The following SLC35F4 variants were observed in gnomAD, a reference collection of about 807,000 sequenced individuals.
SLC35F4 encodes chromosome 14 open reading frame 36.
A neutral mutation model predicts 44.2 loss-of-function variants in SLC35F4; 24 were observed. That is an observed-to-expected ratio of 0.54 (90% CI 0.39 to 0.76). The LOEUF (loss-of-function observed/expected upper bound fraction) is 0.76. SLC35F4 is among the 30% of genes least tolerant of loss of function. The pLI is 0.00. For synonymous variants in SLC35F4, 238 were observed against 223.6 expected, an observed-to-expected ratio of 1.06 and a Z score of -0.57; for missense variants, 562 against 586.1, an observed-to-expected ratio of 0.96 and a Z score of 0.42.
At chr14:57,947,458 C>T (rs1264140628) in intron 1 of SLC35F4, among the ~76,000 whole-genome samples, 1 of 152,132 alleles carries the variant, frequency 6.6e-6, no homozygotes, top group African/African-American at 2.4e-5. Flanking sequence ...TCTAGGTAAA[C>T]AACCATATCA....
intron 1 of SLC35F4, among the ~76,000 whole-genome samples, chr14:57,871,214 C>T (rs10134690): frequency 0.043 from 6,556 of 152,194 alleles, 425 homozygotes; most frequent in African/African-American, 0.13. Context: ...CCAGAGGGAT[C>T]ACATGTGGGC....
chr14:57,925,187 G>A (rs2141060750), intron 1 of SLC35F4, among the ~76,000 whole-genome samples: 1 of 152,032 alleles, frequency 6.6e-6, no homozygotes, highest in Admixed American at 6.6e-5. Context: ...CTTCCATTAG[G>A]CCCCACCTCC....
intron 3 of SLC35F4, among the ~76,000 whole-genome samples, chr14:57,588,393 T>C (rs1301278634): frequency 6.6e-6 from 1 of 152,182 alleles, no homozygotes; most frequent in Admixed American, 6.5e-5. Context: ...GCAATTTTCC[T>C]AGAAGTCACT....
At chr14:57,929,957 C>T (rs1204344430) in intron 1 of SLC35F4, among the ~76,000 whole-genome samples, 1 of 152,084 alleles carries the variant, frequency 6.6e-6, no homozygotes, top group Non-Finnish European at 1.5e-5. Flanking sequence ...GGAAGAACCC[C>T]TAGCAACCTA....
chr14:57,789,099 G>A (rs1490420005), intron 1 of SLC35F4, among the ~76,000 whole-genome samples: 1 of 151,886 alleles, frequency 6.6e-6, no homozygotes, highest in Non-Finnish European at 1.5e-5. Context: ...ACAATTAAAA[G>A]AACTAGAGCA....
At chr14:57,859,068 G>A (rs1887437151) in intron 1 of SLC35F4, among the ~76,000 whole-genome samples, 1 of 152,026 alleles carries the variant, frequency 6.6e-6, no homozygotes, top group Non-Finnish European at 1.5e-5. Flanking sequence ...TTGCACCACT[G>A]CACTACCAGC....
chr14:57,767,680 T>C (rs1338324992), intron 1 of SLC35F4, among the ~76,000 whole-genome samples: 2 of 151,298 alleles, frequency 1.3e-5, no homozygotes, highest in South Asian at 2.1e-4. Flanking sequence ...GATAATAGAA[T>C]AAATAAAATT....
intron 1 of SLC35F4, among the ~76,000 whole-genome samples, chr14:57,934,822 G>A (rs1234102722): frequency 6.6e-6 from 1 of 152,102 alleles, no homozygotes; most frequent in Non-Finnish European, 1.5e-5. Context: ...ATTAATCACC[G>A]ATTTTTCTTC....
intron 1 of SLC35F4, among the ~76,000 whole-genome samples, chr14:57,801,367 G>A (rs2078189817): frequency 6.6e-6 from 1 of 152,158 alleles, no homozygotes; most frequent in South Asian, 2.1e-4. Flanking sequence ...CCTGAAGGAA[G>A]CACTAAATAT....
chr14:57,803,139 G>C (rs544619625), intron 1 of SLC35F4, among the ~76,000 whole-genome samples: 6 of 152,068 alleles, frequency 3.9e-5, no homozygotes, highest in Admixed American at 6.6e-5. Context: ...AGGATTCAAG[G>C]TTGGTTTAAC....
intron 1 of SLC35F4, chr14:57,630,631 T>C (rs2072722190): frequency 1.3e-6 from 1 of 765,776 alleles, no homozygotes; most frequent in Non-Finnish European, 2.3e-6. Flanking sequence ...TCACAGTCTA[T>C]GTTTAGGTCA....
intron 1 of SLC35F4, among the ~76,000 whole-genome samples, chr14:57,842,651 C>T (rs1013538794): frequency 1.3e-5 from 2 of 152,164 alleles, no homozygotes; most frequent in African/African-American, 4.8e-5. Context: ...GGAATCACTC[C>T]CTTCCCTTGC....
intron 1 of SLC35F4, among the ~76,000 whole-genome samples, chr14:57,636,251 T>C (rs774156775): frequency 6.6e-6 from 1 of 152,160 alleles, no homozygotes. Context: ...CGATGGGAAC[T>C]GTTTTCAGTA....
intron 1 of SLC35F4, among the ~76,000 whole-genome samples, chr14:57,802,985 C>CAAAAAAAAAAAAAAAAAAAA (rs59647111): frequency 4.2e-5 from 3 of 71,320 alleles, no homozygotes; most frequent in Non-Finnish European, 5.1e-5. Context: ...GCAGAGATAC[C>CAAAAAAAAAAAAAAAAAAAA]AAAAAAAAAA....
At chr14:57,698,841 G>A (rs752442010) in intron 1 of SLC35F4, among the ~76,000 whole-genome samples, 29 of 152,020 alleles carry the variant, frequency 1.9e-4, no homozygotes, top group Non-Finnish European at 3.7e-4. Flanking sequence ...GGCCAGGCTG[G>A]TCTCAAACTC....
chr14:57,683,286 A>C (rs1157078427), intron 1 of SLC35F4, among the ~76,000 whole-genome samples: 2 of 152,202 alleles, frequency 1.3e-5, no homozygotes, highest in East Asian at 3.8e-4. Flanking sequence ...TTCCTTTAAT[A>C]AACAAGATAG....
chr14:57,700,302 A>G (rs1742275755), intron 1 of SLC35F4, among the ~76,000 whole-genome samples: 1 of 152,182 alleles, frequency 6.6e-6, no homozygotes, highest in Non-Finnish European at 1.5e-5. Flanking sequence ...AAAGTACAGT[A>G]TAAAAGACAG....
intron 1 of SLC35F4, among the ~76,000 whole-genome samples, chr14:57,594,483 T>C (rs2070378208): frequency 6.6e-6 from 1 of 152,184 alleles, no homozygotes; most frequent in East Asian, 1.9e-4. Flanking sequence ...ATTCAAATTC[T>C]ATAAAAGGGG....
rs1296362222 is a variant in SLC35F4, at chr14:57,667,447, TA to T, written c.104-73324del. Among the ~76,000 whole-genome samples the T allele has an allele frequency of 7.3e-5, 11 of 151,616 alleles. No individual in the cohort carries two copies. The East Asian group carries it at 2.1e-3, about 30-fold the overall frequency. ...GTGCTGCACCCATTAACTCGTCATTTAACATTAGGTATATCTCCTAATGCTA... is the reference window on the plus strand; with the variant it reads ...GTGCTGCACCCATTAACTCGTCATTTACATTAGGTATATCTCCTAATGCTA... On this transcript the variant is annotated intron_variant, in intron 1 of 7. Coordinates refer to ENST00000556826, the MANE Select transcript of SLC35F4 (RefSeq NM_001306087.2).
Sources: allele counts gnomAD v4.1 joint callset (sites outside exome capture counted in the v4.1 genomes callset), GRCh38; gene constraint gnomAD v4.1.1; transcripts MANE v1.5; gene names NCBI Gene and HGNC (gene_info 2026-07-23, HGNC 2026-07-21).